The following ECD variants were observed in gnomAD, a reference collection of about 807,000 sequenced individuals.
The protein encoded by ECD is ecdysoneless cell cycle regulator, also known as protein ecdysoneless homolog.
A neutral mutation model predicts 77.2 loss-of-function variants in ECD; 59 were observed. The ratio of observed to expected loss-of-function variants is 0.76; its 90% CI spans 0.62 to 0.95. ECD has a LOEUF of 0.95. ECD is among the 40% of genes least tolerant of loss of function. ECD has a pLI of 0.00. For missense variants in ECD, 704 were observed against 763.4 expected (o/e 0.92, Z 0.92); for synonymous variants, 233 against 267.4 (o/e 0.87, Z 1.26).
At chr10:73,140,292 G>A (rs2133249803) in intron 9 of ECD, among the ~76,000 whole-genome samples, 1 of 151,696 alleles carries the variant, frequency 6.6e-6, no homozygotes, top group South Asian at 2.1e-4. Context: ...CTTCTAATTT[G>A]TTTTTAAGCA....
At chr10:73,161,768 A>G (rs1843384189) in intron 2 of ECD, among the ~76,000 whole-genome samples, 1 of 152,258 alleles carries the variant, frequency 6.6e-6, no homozygotes, top group Non-Finnish European at 1.5e-5. Flanking sequence ...ATGAGTATCA[A>G]TGCAGAAATC....
In ECD at chr10:73,156,886, A is replaced by C. The variant is rs182424781; in HGVS notation, c.324-231T>G. 2.0e-5 allele frequency among the ~76,000 whole-genome samples: 3 copies of C among 152,336 alleles called. No homozygotes were observed. The East Asian group carries it at 5.8e-4, about 29-fold the overall frequency. On this transcript the variant is annotated intron_variant, in intron 3 of 13. Transcript: ENST00000372979. ...GATATGATAAGGAGAGAAGATAAGC[A>C]ATTTACATAAAGAAATATTAGACAA...
At chr10:73,155,902 C>A (rs2133267376) in intron 5 of ECD, among the ~76,000 whole-genome samples, 1 of 152,174 alleles carries the variant, frequency 6.6e-6, no homozygotes, top group East Asian at 1.9e-4. Flanking sequence ...TCGCTCCAGG[C>A]CCATGAAGTT....
intron 8 of ECD, 102 bp from the exon 9 acceptor site, chr10:73,146,463 T>C: frequency 6.3e-6 from 4 of 639,410 alleles, no homozygotes; most frequent in Non-Finnish European, 1.0e-5. Flanking sequence ...AATCTACTAC[T>C]CAGGAATCAC....
In ECD at chr10:73,156,564, T is replaced by A. The variant is rs780450153; in HGVS notation, c.411+4A>T. 1.7e-5 allele frequency: 27 copies of A among 1,613,980 alleles called. No individual in the cohort carries two copies. Among genetic ancestry groups the A allele is most frequent in the Middle Eastern group, 1.6e-4 (1 of 6,078 alleles). On this transcript the variant is annotated splice_donor_region_variant and intron_variant, in intron 4 of 13. Transcript: ENST00000372979. The stretch of plus-strand genomic sequence containing the variant: ...ATAAATTTTCTAAACTTGGGTATAC[T>A]TACCCTATTGGTGCTATTTTCAGGA...
At chr10:73,161,176 A>G (rs911332481) in intron 2 of ECD, among the ~76,000 whole-genome samples, 1 of 151,188 alleles carries the variant, frequency 6.6e-6, no homozygotes, top group Admixed American at 6.6e-5. Flanking sequence ...AAAAAAAAAA[A>G]CAAAAACTAA....
At chr10:73,155,088 C>T (rs1172637421) in intron 5 of ECD, among the ~76,000 whole-genome samples, 3 of 151,972 alleles carry the variant, frequency 2.0e-5, no homozygotes, top group East Asian at 1.9e-4. Context: ...CTCGCTCTGT[C>T]GCCAGGCTGG....
At chr10:73,167,128 T>C (rs897741944) in intron 1 of ECD, among the ~76,000 whole-genome samples, 1 of 152,174 alleles carries the variant, frequency 6.6e-6, no homozygotes, top group Non-Finnish European at 1.5e-5. Flanking sequence ...ACTGCAGACA[T>C]ATGGATTTGT....
At chr10:73,154,076 A>C (rs572528564) in intron 6 of ECD, among the ~76,000 whole-genome samples, 180 bp downstream of exon 6, 4 of 152,362 alleles carry the variant, frequency 2.6e-5, no homozygotes, top group African/African-American at 7.2e-5. Flanking sequence ...ATTTCAGATA[A>C]GGAATATTCA....
In ECD at chr10:73,156,625, T is replaced by C. The variant is rs1457976186; in HGVS notation, c.354A>G (p.Leu118=). Residue 118 remains leucine, a synonymous_variant, in exon 4 of 14, where the codon TTA becomes TTG. Transcript: ENST00000372979. The part of the protein sequence containing the change: ...RIEDNDGEFL[L]IEAADFLPKW... ...TAGGGAGAAAGTCAGCAGCTTCTATTAACAAGAATTCACCATCATTGTCTT... is the reference window on the plus strand; with the variant it reads ...TAGGGAGAAAGTCAGCAGCTTCTATCAACAAGAATTCACCATCATTGTCTT... 1.2e-6 allele frequency: 2 copies of C among 1,613,842 alleles called. No homozygotes were observed. Among genetic ancestry groups the C allele is most frequent in the East Asian group, 2.2e-5 (1 of 44,878 alleles).
chr10:73,136,929 C>A lies in ECD; in HGVS notation c.1490-11G>T, dbSNP rs192510030. Reference sequence around the variant, plus strand: ...CATTAGGCCTTGGCCCTACACAGATCCCAAGAAAGAAAGAGCCACTTAGTA... The same window carrying A: ...CATTAGGCCTTGGCCCTACACAGATACCAAGAAAGAAAGAGCCACTTAGTA... On this transcript the variant is annotated splice_polypyrimidine_tract_variant and intron_variant, in intron 12 of 13. Transcript: ENST00000372979. The A allele has an allele frequency of 8.6e-5, 124 of 1,447,224 alleles. 1 individual carries two copies. The Admixed American group carries it at 1.9e-3, about 23-fold the overall frequency. The allele number at this position is 1,447,224 out of a possible 1,614,324, so 89.6% of individuals were successfully genotyped here.
intron 6 of ECD, among the ~76,000 whole-genome samples, chr10:73,152,954 C>T (rs1299116946): frequency 1.3e-5 from 2 of 151,338 alleles, no homozygotes; most frequent in Non-Finnish European, 2.9e-5. Context: ...TTAGTAATCG[C>T]TAGTAAAATT....
At chr10:73,139,849 GTTTTTTTTTT>G in intron 9 of ECD, 112 bp from the exon 10 acceptor site, 2 of 435,686 alleles carry the variant, frequency 4.6e-6, no homozygotes, top group Non-Finnish European at 7.7e-6. Flanking sequence ...TTTGGGGAGT[GTTTTTTTTTT>G]TTTTTTTTAA....
chr10:73,152,256 T>A, intron 7 of ECD, 37 bp downstream of exon 7: 1 of 1,602,908 alleles, frequency 6.2e-7, no homozygotes, highest in Middle Eastern at 1.7e-4. Flanking sequence ...TCCATTTACA[T>A]AAAGAAAGGA....
chr10:73,163,857 G>A lies in ECD; in HGVS notation c.81C>T (p.Asp27=). 1 of 1,614,150 alleles carries A rather than the reference G, an allele frequency of 6.2e-7. No homozygotes were observed. The highest frequency in any genetic ancestry group is 8.5e-7 in the Non-Finnish European group (1 of 1,180,018). ...GAAGAATCTCTTTATGTTTATCTGA[G>A]TCCCTTGACTCATCTGGTATCAGGA... ...CLFLIPDESR[D]SDKHKEILQK... The change falls in exon 2 of 14, where the codon GAC becomes GAT. Residue 27 remains aspartate, a synonymous_variant. Transcript: ENST00000372979.
At chr10:73,154,072 G>A (rs903133895) in intron 6 of ECD, among the ~76,000 whole-genome samples, 184 bp downstream of exon 6, 2 of 152,158 alleles carry the variant, frequency 1.3e-5, no homozygotes, top group Non-Finnish European at 2.9e-5. Context: ...AAGCATTTCA[G>A]ATAAGGAATA....
intron 5 of ECD, among the ~76,000 whole-genome samples, chr10:73,155,296 G>C (rs1221930529): frequency 2.0e-5 from 3 of 151,954 alleles, no homozygotes; most frequent in Non-Finnish European, 4.4e-5. Flanking sequence ...TCGATCTCTT[G>C]ACCTTGTGAT....
rs1054100651 is a variant in ECD at position 73,154,086 on chromosome 10, A to C, written c.783+170T>G. Among the ~76,000 whole-genome samples the C allele has an allele frequency of 2.6e-5, 4 of 152,244 alleles. No homozygotes were observed. The South Asian group carries it at 8.3e-4, about 31-fold the overall frequency. ...CAAGCATTTCAGATAAGGAATATTC[A>C]ATCTATATTAACATGCTATGAAGAA... On this transcript the variant is annotated intron_variant, in intron 6 of 13. Transcript: ENST00000372979.
intron 1 of ECD, among the ~76,000 whole-genome samples, chr10:73,165,087 GTTT>G: frequency 6.6e-6 from 1 of 151,962 alleles, no homozygotes; most frequent in Non-Finnish European, 1.5e-5. Flanking sequence ...CTCTTTCTGG[GTTT>G]TTTTCTTTAA....
Sources: allele counts gnomAD v4.1 joint callset (sites outside exome capture counted in the v4.1 genomes callset), GRCh38; gene constraint gnomAD v4.1.1; transcripts MANE v1.5; gene names NCBI Gene and HGNC (gene_info 2026-07-23, HGNC 2026-07-21).